Variants in RPS6KA6 observed in about 807,000 individuals in gnomAD.
RPS6KA6 encodes ribosomal protein S6 kinase alpha-6.
RPS6KA6 carries 27 observed loss-of-function variants against 65.4 expected under a neutral mutation model. The observed-to-expected ratio is 0.41, with a 90% CI of 0.30 to 0.57. The LOEUF (loss-of-function observed/expected upper bound fraction) is 0.57, where lower values mean the gene tolerates loss of function less well. RPS6KA6 is among the 20% of genes least tolerant of loss of function. The pLI is 0.24. For synonymous variants in RPS6KA6, 190 were observed against 184.2 expected, an observed-to-expected ratio of 1.03 and a Z score of -0.26; for missense variants, 486 against 555.6, an observed-to-expected ratio of 0.87 and a Z score of 1.26.
chrX:84,115,494 A>T (rs1482839321), intron 12 of RPS6KA6, among the ~76,000 whole-genome samples: 1 of 112,171 alleles, frequency 8.9e-6, no homozygotes, highest in Non-Finnish European at 1.9e-5. Context: ...AGGTACACTT[A>T]TACACTGTTA....
intron 2 of RPS6KA6, among the ~76,000 whole-genome samples, chrX:84,161,330 C>T (rs2035508235): frequency 9.0e-6 from 1 of 111,618 alleles, no homozygotes; most frequent in Non-Finnish European, 1.9e-5. Flanking sequence ...CTCTGTAGTA[C>T]TTATCTTTGC....
At chrX:84,126,670 A>G (rs2034793768) in intron 8 of RPS6KA6, among the ~76,000 whole-genome samples, 1 of 111,750 alleles carries the variant, frequency 8.9e-6, no homozygotes, top group Non-Finnish European at 1.9e-5. Context: ...ACTGAATACA[A>G]CTAGACGTCA....
At chrX:84,135,433 C>A (rs1011930970) in intron 6 of RPS6KA6, among the ~76,000 whole-genome samples, 4 of 111,053 alleles carry the variant, frequency 3.6e-5, no homozygotes, top group Non-Finnish European at 7.6e-5. Flanking sequence ...TCGATATTAA[C>A]CATTTTAATG....
At chrX:84,125,073 G>A (rs1388634632) in intron 8 of RPS6KA6, among the ~76,000 whole-genome samples, 1 of 111,738 alleles carries the variant, frequency 8.9e-6, no homozygotes, top group Non-Finnish European at 1.9e-5. Context: ...CATGCATGAT[G>A]GAGAAATAAA....
intron 6 of RPS6KA6, among the ~76,000 whole-genome samples, chrX:84,143,152 G>A (rs2035136483): frequency 9.0e-6 from 1 of 110,917 alleles, no homozygotes. Context: ...ATAAATGCAA[G>A]GTTGGTTCAA....
chrX:84,176,670 T>A (rs1460756125), intron 1 of RPS6KA6, among the ~76,000 whole-genome samples: 17 of 89,725 alleles, frequency 1.9e-4, no homozygotes, highest in Non-Finnish European at 2.6e-4. Flanking sequence ...GTGAAGAAAC[T>A]GATTAATTAA....
At chrX:84,126,307 T>C (rs2034783359) in intron 8 of RPS6KA6, among the ~76,000 whole-genome samples, 1 of 111,415 alleles carries the variant, frequency 9.0e-6, no homozygotes, top group Non-Finnish European at 1.9e-5. Flanking sequence ...AAATTATAAA[T>C]ATCTGTGGAC....
intron 8 of RPS6KA6, among the ~76,000 whole-genome samples, chrX:84,123,126 C>T (rs771169141): frequency 5.0e-4 from 56 of 111,474 alleles, no homozygotes; most frequent in Admixed American, 4.9e-3. Flanking sequence ...AAGAGAAGAA[C>T]CCAGTCCTGG....
intron 6 of RPS6KA6, among the ~76,000 whole-genome samples, chrX:84,145,040 T>A (rs1475858094): frequency 1.8e-5 from 2 of 111,056 alleles, no homozygotes; most frequent in Non-Finnish European, 3.8e-5. Context: ...CAAGAAAACT[T>A]TCGGGAATGA....
At chrX:84,146,348 C>CT (rs1459695601) in intron 5 of RPS6KA6, among the ~76,000 whole-genome samples, 1 of 111,488 alleles carries the variant, frequency 9.0e-6, no homozygotes, top group African/African-American at 3.3e-5. Flanking sequence ...ACAGCTGCTA[C>CT]TTTTTTAAAT....
At chrX:84,090,195 A>T (rs1214206238) in intron 20 of RPS6KA6, among the ~76,000 whole-genome samples, 4 of 112,386 alleles carry the variant, frequency 3.6e-5, no homozygotes, top group Non-Finnish European at 3.8e-5. Context: ...AGTATAAATG[A>T]ATAACTTCCA....
At position 84,187,975 on chromosome X, in the gene RPS6KA6, CCCGCCGCCG is replaced by C. The variant is rs751602149; in HGVS notation, c.-85_-77del. 2.0e-3 allele frequency: 1,514 copies of C among 755,300 alleles called. 6 individuals carry two copies. The highest frequency in any genetic ancestry group is 4.9e-3 in the African/African-American group (210 of 42,693). 62.2% of individuals were successfully genotyped at this position (755,300 alleles called of 1,213,427 possible). ...CCGCGCATCCTGTCTATTGAACTGGCCCGCCGCCGCCGCCGCCGCCGCCGCCGCCGCCGC... is the reference window on the plus strand; with the variant it reads ...CCGCGCATCCTGTCTATTGAACTGGCCCGCCGCCGCCGCCGCCGCCGCCGC... On this transcript the variant is annotated 5_prime_UTR_variant, in exon 1 of 22. Coordinates refer to ENST00000262752, the MANE Select transcript of RPS6KA6 (RefSeq NM_014496.5).
At chrX:84,091,331 G>T (rs893489697) in intron 20 of RPS6KA6, among the ~76,000 whole-genome samples, 3 of 112,483 alleles carry the variant, frequency 2.7e-5, no homozygotes, top group Non-Finnish European at 5.6e-5. Context: ...CAGAAGAAAT[G>T]ATTAGCTTAT....
chrX:84,170,566 GT>G (rs1460955736), intron 1 of RPS6KA6, among the ~76,000 whole-genome samples: 2 of 111,111 alleles, frequency 1.8e-5, no homozygotes, highest in Non-Finnish European at 3.8e-5. Flanking sequence ...GGAGGTGGAG[GT>G]TGCAGTGAGC....
chrX:84,120,073 A>T (rs1015553360), intron 8 of RPS6KA6, 46 bp from the exon 9 acceptor site: 4 of 987,778 alleles, frequency 4.0e-6, no homozygotes, highest in East Asian at 3.2e-5. Context: ...AAACTTCAGA[A>T]AATAGAAAAC....
At chrX:84,151,020 G>C (rs2035303178) in intron 3 of RPS6KA6, among the ~76,000 whole-genome samples, 1 of 51,426 alleles carries the variant, frequency 1.9e-5, no homozygotes, top group African/African-American at 4.5e-5. Flanking sequence ...TATATAGAGA[G>C]AGGATATATA....
At chrX:84,125,964 C>T (rs1035915695) in intron 8 of RPS6KA6, among the ~76,000 whole-genome samples, 18 of 110,988 alleles carry the variant, frequency 1.6e-4, no homozygotes, top group Non-Finnish European at 5.7e-5. Flanking sequence ...AAGAGAAGAC[C>T]AGAAAACAAC....
intron 20 of RPS6KA6, among the ~76,000 whole-genome samples, chrX:84,091,440 T>C (rs2034042328): frequency 8.9e-6 from 1 of 112,343 alleles, no homozygotes; most frequent in South Asian, 3.6e-4. Flanking sequence ...AACAAAAATA[T>C]ACCCAAGTGA....
chrX:84,098,018 T>C (rs1450976792), intron 18 of RPS6KA6, among the ~76,000 whole-genome samples, 170 bp from the exon 19 acceptor site: 1 of 111,216 alleles, frequency 9.0e-6, no homozygotes, highest in Non-Finnish European at 1.9e-5. Context: ...GAGTTTTCTC[T>C]CCTCCTCTTA....
Sources: gnomAD v4.1 joint callset for allele counts (sites outside exome capture counted in the v4.1 genomes callset) on GRCh38, gnomAD v4.1.1 for gene constraint, MANE v1.5 for transcripts, NCBI Gene and HGNC (gene_info 2026-07-23, HGNC 2026-07-21) for gene names.